Variants in SCD5 observed in about 807,000 individuals in gnomAD.
SCD5 encodes the protein stearoyl-CoA desaturase 5.
In SCD5, 20 loss-of-function variants were observed where a neutral mutation model predicts 30.4. That is an observed-to-expected ratio of 0.66 (90% CI 0.46 to 0.96). SCD5 has a LOEUF of 0.96. Among genes scored for constraint, SCD5 ranks in the 40% least tolerant of loss-of-function variants. The probability of loss-of-function intolerance (pLI) is 0.00; values close to 1 mark genes in which losing one functional copy is unlikely to be tolerated. For synonymous variants in SCD5, 173 were observed against 176.4 expected (o/e 0.98, Z 0.16); for missense variants, 381 against 443.3 (o/e 0.86, Z 1.26).
chr4:82,664,227 G>T (rs1728113102), intron 3 of SCD5, among the ~76,000 whole-genome samples: 1 of 152,142 alleles, frequency 6.6e-6, no homozygotes, highest in Admixed American at 6.5e-5. Context: ...AGTCTGTGGT[G>T]CACTAAGGAT....
intron 3 of SCD5, among the ~76,000 whole-genome samples, chr4:82,649,913 T>C (rs7692000): frequency 0.9 from 137,411 of 152,232 alleles, 62,097 homozygotes; most frequent in East Asian, 1. Context: ...CTGGCGTGAT[T>C]GTGCATGAAT....
intron 3 of SCD5, among the ~76,000 whole-genome samples, chr4:82,653,676 T>TGATAGATAGATAGATA (rs1553914392): frequency 0.39 from 53,056 of 136,362 alleles, 10,767 homozygotes; most frequent in Admixed American, 0.44. Flanking sequence ...TGAAAGTCAA[T>TGATAGATAGATAGATA]GATAGATAGA....
chr4:82,660,968 GT>G, intron 3 of SCD5: 1 of 1,614,186 alleles, frequency 6.2e-7, no homozygotes, highest in Non-Finnish European at 8.5e-7. Context: ...GCTAAAATGT[GT>G]AATCCGGGAA....
intron 3 of SCD5, among the ~76,000 whole-genome samples, chr4:82,647,457 C>T (rs192115040): frequency 3.0e-4 from 46 of 152,282 alleles, no homozygotes; most frequent in African/African-American, 1.1e-3. Flanking sequence ...GCTGAGGTAG[C>T]TGAATGGATT....
At chr4:82,766,508 A>G (rs984796294) in intron 1 of SCD5, among the ~76,000 whole-genome samples, 2 of 152,212 alleles carry the variant, frequency 1.3e-5, no homozygotes, top group Non-Finnish European at 2.9e-5. Flanking sequence ...CACATAAAAT[A>G]TAATTATCCC....
chr4:82,685,539 C>T (rs1366733492), intron 2 of SCD5, among the ~76,000 whole-genome samples: 1 of 151,882 alleles, frequency 6.6e-6, no homozygotes, highest in East Asian at 1.9e-4. Flanking sequence ...ATAGTGAAAC[C>T]CCATCTCGAC....
intron 3 of SCD5, among the ~76,000 whole-genome samples, chr4:82,666,522 AAAG>A: frequency 6.6e-6 from 1 of 150,928 alleles, no homozygotes; most frequent in Non-Finnish European, 1.5e-5. Flanking sequence ...CTCAAAAAAA[AAAG>A]AAAGAAAGAA....
At chr4:82,747,733 G>A (rs747986177) in intron 1 of SCD5, among the ~76,000 whole-genome samples, 6 of 152,164 alleles carry the variant, frequency 3.9e-5, no homozygotes, top group South Asian at 2.1e-4. Context: ...CCATCAATAC[G>A]CCATTGGCCA....
chr4:82,797,717 G>T (rs898985291), intron 1 of SCD5, among the ~76,000 whole-genome samples: 2 of 152,176 alleles, frequency 1.3e-5, no homozygotes, highest in African/African-American at 4.8e-5. Context: ...TGCGGAGGGG[G>T]CAGGGACAGG....
At chr4:82,721,551 G>A (rs980447432) in intron 1 of SCD5, among the ~76,000 whole-genome samples, 1 of 152,180 alleles carries the variant, frequency 6.6e-6, no homozygotes, top group Non-Finnish European at 1.5e-5. Context: ...GGCAGGCAAG[G>A]GTTGACTAGT....
chr4:82,638,289 A>C (rs13124143), intron 3 of SCD5, among the ~76,000 whole-genome samples: 29,583 of 150,998 alleles, frequency 0.2, 3,052 homozygotes, highest in East Asian at 0.36. Flanking sequence ...CTGCCCCCCC[A>C]AAAAAAAGCA....
intron 1 of SCD5, among the ~76,000 whole-genome samples, chr4:82,725,221 G>A (rs1720445752): frequency 6.6e-6 from 1 of 152,190 alleles, no homozygotes; most frequent in South Asian, 2.1e-4. Context: ...TCCAGCTGAT[G>A]TGAAATCTAG....
chr4:82,785,198 G>A (rs1721960741), intron 1 of SCD5, among the ~76,000 whole-genome samples: 1 of 152,192 alleles, frequency 6.6e-6, no homozygotes, highest in South Asian at 2.1e-4. Flanking sequence ...CTGGCATAAG[G>A]ATTATTTTGA....
At chr4:82,722,696 C>T (rs562334902) in intron 1 of SCD5, among the ~76,000 whole-genome samples, 3 of 151,076 alleles carry the variant, frequency 2.0e-5, no homozygotes, top group Non-Finnish European at 2.9e-5. Context: ...ACCCGGGAGG[C>T]GGAGGTTGCA....
At chr4:82,729,705 G>A (rs1022937408) in intron 1 of SCD5, among the ~76,000 whole-genome samples, 1 of 152,164 alleles carries the variant, frequency 6.6e-6, no homozygotes, top group Middle Eastern at 3.2e-3. Context: ...CAATTACACA[G>A]CAGCAGATAC....
chr4:82,788,217 T>C (rs1214144784), intron 1 of SCD5, among the ~76,000 whole-genome samples: 2 of 152,224 alleles, frequency 1.3e-5, no homozygotes, highest in East Asian at 3.9e-4. Flanking sequence ...AACTCAGAAA[T>C]AAATTTCTTC....
At chr4:82,725,930 A>T (rs1179898015) in intron 1 of SCD5, among the ~76,000 whole-genome samples, 1 of 152,192 alleles carries the variant, frequency 6.6e-6, no homozygotes, top group Non-Finnish European at 1.5e-5. Flanking sequence ...GCCCAATCCC[A>T]TAGGAAGCAG....
chr4:82,674,137 T>C (rs1330687827), intron 3 of SCD5, among the ~76,000 whole-genome samples: 2 of 152,174 alleles, frequency 1.3e-5, no homozygotes, highest in East Asian at 3.8e-4. Context: ...AGAGAAAGAA[T>C]TGATAAGCTG....
chr4:82,713,044 C>T (rs1057042875), intron 1 of SCD5, among the ~76,000 whole-genome samples: 1 of 152,228 alleles, frequency 6.6e-6, no homozygotes, highest in African/African-American at 2.4e-5. Context: ...GGCAGCTCCT[C>T]TCTGCCATCT....
Sources: allele counts gnomAD v4.1 joint callset (sites outside exome capture counted in the v4.1 genomes callset), GRCh38; gene constraint gnomAD v4.1.1; transcripts MANE v1.5; gene names NCBI Gene and HGNC (gene_info 2026-07-23, HGNC 2026-07-21).